The following EFCAB11 variants were observed in gnomAD, a reference collection of about 807,000 sequenced individuals.
The protein encoded by EFCAB11 is EF-hand calcium binding domain 11.
EFCAB11 carries 14 observed loss-of-function variants against 23.0 expected under a neutral mutation model. That is an observed-to-expected ratio of 0.61 (90% CI 0.40 to 0.95). The LOEUF (loss-of-function observed/expected upper bound fraction) is 0.95. Ranked by LOEUF, EFCAB11 falls within the 40% of genes least tolerant of loss-of-function variation. The pLI, the probability that EFCAB11 is intolerant of heterozygous loss-of-function variation, is 0.00. For missense variants in EFCAB11, 198 were observed against 195.8 expected (o/e 1.01, Z -0.07); for synonymous variants, 65 against 66.6 (o/e 0.98, Z 0.11).
intron 5 of EFCAB11, among the ~76,000 whole-genome samples, chr14:89,863,483 T>C (rs8009586): frequency 0.2 from 30,516 of 152,244 alleles, 4,420 homozygotes; most frequent in African/African-American, 0.4. Context: ...GGCTTTCTCC[T>C]CTCACCCCAG....
At chr14:89,811,605 A>G (rs1006276831) in intron 5 of EFCAB11, among the ~76,000 whole-genome samples, 1 of 152,116 alleles carries the variant, frequency 6.6e-6, no homozygotes, top group Non-Finnish European at 1.5e-5. Flanking sequence ...GAGGAGCCAG[A>G]GAGATGTGAA....
At chr14:89,863,426 TG>T (rs1397471162) in intron 5 of EFCAB11, among the ~76,000 whole-genome samples, 16 of 152,390 alleles carry the variant, frequency 1.0e-4, no homozygotes, top group African/African-American at 3.8e-4. Flanking sequence ...CCACCTGGGA[TG>T]TTCTCCCTTT....
chr14:89,931,237 G>A (rs754764924), intron 5 of EFCAB11: 1 of 283,256 alleles, frequency 3.5e-6, no homozygotes, highest in Non-Finnish European at 6.6e-6. Context: ...ATTTTCCCTT[G>A]GTTCACACGT....
intron 5 of EFCAB11, among the ~76,000 whole-genome samples, chr14:89,813,347 C>T (rs1450537161): frequency 2.6e-5 from 4 of 152,062 alleles, no homozygotes; most frequent in Non-Finnish European, 4.4e-5. Context: ...AAAGTGAAGA[C>T]AAATTTGTTT....
chr14:89,866,055 G>A (rs1340594238), intron 5 of EFCAB11, among the ~76,000 whole-genome samples: 1 of 152,092 alleles, frequency 6.6e-6, no homozygotes, highest in Non-Finnish European at 1.5e-5. Context: ...AAAGTGCCGG[G>A]ATTACAGGCA....
intron 5 of EFCAB11, among the ~76,000 whole-genome samples, chr14:89,832,435 C>A (rs1886917478): frequency 6.6e-6 from 1 of 152,126 alleles, no homozygotes; most frequent in Admixed American, 6.5e-5. Context: ...AACTTGGGAG[C>A]TCTCCAGTTT....
chr14:89,882,520 T>C (rs1048093354), intron 5 of EFCAB11, among the ~76,000 whole-genome samples: 42 of 152,250 alleles, frequency 2.8e-4, no homozygotes, highest in Admixed American at 3.9e-4. Context: ...CAAGTTTCTA[T>C]GACTTCTCTC....
chr14:89,827,252 G>A (rs992125720), intron 5 of EFCAB11, among the ~76,000 whole-genome samples: 3 of 152,194 alleles, frequency 2.0e-5, no homozygotes, highest in African/African-American at 7.2e-5. Flanking sequence ...CTGTGGAGCT[G>A]GAACCCAGAC....
At chr14:89,922,701 C>G (rs1018528279) in intron 5 of EFCAB11, among the ~76,000 whole-genome samples, 2 of 152,130 alleles carry the variant, frequency 1.3e-5, no homozygotes, top group Non-Finnish European at 2.9e-5. Flanking sequence ...CAAAACTGTG[C>G]TACGGGTGTG....
At chr14:89,798,275 A>C (rs886270568) in intron 5 of EFCAB11, among the ~76,000 whole-genome samples, 2 of 152,264 alleles carry the variant, frequency 1.3e-5, no homozygotes, top group Admixed American at 6.5e-5. Flanking sequence ...GAAGTAGAGA[A>C]AAATCCCTAC....
At chr14:89,913,048 C>T (rs964643593) in intron 5 of EFCAB11, among the ~76,000 whole-genome samples, 5 of 152,168 alleles carry the variant, frequency 3.3e-5, no homozygotes, top group East Asian at 1.9e-4. Flanking sequence ...AATACACCTG[C>T]GGCATATGAT....
In EFCAB11 at chr14:89,923,710, T is replaced by A. The variant is rs1442921713; in HGVS notation, c.410+7831A>T. ...TCATAGTCACTAAATTAGGTACTCA[T>A]TTTAATAACTGTGATCTTACTGAAG... On this transcript the variant is annotated intron_variant, in intron 5 of 5. Coordinates refer to ENST00000316738, the MANE Select transcript of EFCAB11 (RefSeq NM_145231.4). The A allele has an allele frequency of 3.0e-6, 3 of 985,306 alleles. No individual in the cohort carries two copies. In the African/African-American group the frequency reaches 5.2e-5, roughly 17 times the overall value. 61.0% of individuals were successfully genotyped at this position (985,306 alleles called of 1,614,324 possible).
Position 89,819,527 on chromosome 14 carries a change from C to T in EFCAB11, c.411-22203G>A, listed in dbSNP as rs377700002. ...CTAAAACTCCTGGGTTCAAGTGATC[C>T]TCCCTGGTCAGCCTCCAGAGTAGCT... is the stretch of plus-strand genomic sequence containing the variant. On this transcript the variant is annotated intron_variant, in intron 5 of 5. Transcript: ENST00000316738. Among the ~76,000 whole-genome samples, 19 of 152,106 alleles carry T rather than the reference C, an allele frequency of 1.2e-4. 1 individual carries two copies. The East Asian group carries it at 1.7e-3, about 14-fold the overall frequency.
intron 5 of EFCAB11, among the ~76,000 whole-genome samples, chr14:89,816,913 T>G (rs1016975857): frequency 6.6e-6 from 1 of 152,118 alleles, no homozygotes; most frequent in Admixed American, 6.5e-5. Flanking sequence ...TATCAAACTT[T>G]TTGTTTCAAA....
At chr14:89,866,066 TGA>T (rs1297164349) in intron 5 of EFCAB11, among the ~76,000 whole-genome samples, 1 of 152,136 alleles carries the variant, frequency 6.6e-6, no homozygotes, top group Admixed American at 6.5e-5. Flanking sequence ...ATTACAGGCA[TGA>T]GTCACCGTGC....
At chr14:89,931,302 G>A (rs1376735767) in intron 5 of EFCAB11, 1 of 473,396 alleles carries the variant, frequency 2.1e-6, no homozygotes, top group Non-Finnish European at 3.7e-6. Flanking sequence ...ACTCATAAGT[G>A]CTTGTATGCA....
intron 5 of EFCAB11, among the ~76,000 whole-genome samples, chr14:89,904,414 T>C (rs1889432960): frequency 6.6e-6 from 1 of 152,218 alleles, no homozygotes; most frequent in Admixed American, 6.5e-5. Flanking sequence ...TTTACTATTG[T>C]GAATAGTGCC....
At chr14:89,873,387 GA>G (rs1888341998) in intron 5 of EFCAB11, among the ~76,000 whole-genome samples, 2 of 152,112 alleles carry the variant, frequency 1.3e-5, no homozygotes, top group South Asian at 4.2e-4. Context: ...TTTGGGTGGG[GA>G]CACAGCCAAA....
At chr14:89,880,440 G>A (rs950614803) in intron 5 of EFCAB11, among the ~76,000 whole-genome samples, 2 of 152,150 alleles carry the variant, frequency 1.3e-5, no homozygotes, top group Non-Finnish European at 2.9e-5. Context: ...GGACTAAGAC[G>A]AACTGCATTC....
Sources: gnomAD v4.1 joint callset for allele counts (sites outside exome capture counted in the v4.1 genomes callset) on GRCh38, gnomAD v4.1.1 for gene constraint, MANE v1.5 for transcripts, NCBI Gene and HGNC (gene_info 2026-07-23, HGNC 2026-07-21) for gene names.